The following GLDN variants were observed in gnomAD, a reference collection of about 807,000 sequenced individuals.
The protein encoded by GLDN is gliomedin.
Under a neutral mutation model 56.5 loss-of-function variants are expected in GLDN, and 47 were observed. That is an observed-to-expected ratio of 0.83 (90% CI 0.66 to 1.06). The LOEUF is 1.06. GLDN is among the 50% of genes least tolerant of loss of function. The pLI is 0.00. For missense variants in GLDN, 782 were observed against 714.3 expected (o/e 1.09, Z -1.08); for synonymous variants, 332 against 278.8 (o/e 1.19, Z -1.90).
downstream of GLDN, among the ~76,000 whole-genome samples, chr15:51,412,578 T>A (rs2141149175): frequency 6.6e-6 from 1 of 152,378 alleles, no homozygotes; most frequent in African/African-American, 2.4e-5. Context: ...ACTCCAGCTT[T>A]CTTTTGGTTC....
At chr15:51,412,346 G>A (rs1394022471), downstream of GLDN, among the ~76,000 whole-genome samples, 1 of 152,188 alleles carries the variant, frequency 6.6e-6, no homozygotes, top group Non-Finnish European at 1.5e-5. Flanking sequence ...AGTGATAAGG[G>A]TTAAAGACAT....
chr15:51,383,879 A>G lies in GLDN; in HGVS notation c.528A>G (p.Lys176=), dbSNP rs1250384681. 1 of 1,608,706 alleles carries G rather than the reference A, an allele frequency of 6.2e-7. No homozygotes were observed. The highest frequency in any genetic ancestry group is 8.5e-7 in the Non-Finnish European group (1 of 1,177,528). ...GPKGEKGANG[K]RGKMGIPGAA... ...AAGGAGAAAAAGGAGCAAATGGAAA[A>G]AGAGGAAAAATGGGTATTTTTGGCA... The change falls in exon 4 of 10, where the codon AAA becomes AAG. Residue 176 remains lysine (K), a synonymous_variant. Transcript: ENST00000335449.
chr15:51,343,565 A>G (rs745864626), intron 1 of GLDN, among the ~76,000 whole-genome samples: 40 of 152,364 alleles, frequency 2.6e-4, no homozygotes, highest in Admixed American at 4.6e-4. Context: ...TCTGTGTCAA[A>G]TTAACTCTAG....
chr15:51,408,279 A>G (rs2038425535), downstream of GLDN, among the ~76,000 whole-genome samples: 1 of 152,258 alleles, frequency 6.6e-6, no homozygotes, highest in African/African-American at 2.4e-5. Flanking sequence ...CAGCATGGGC[A>G]AGGCAATTGA....
intron 5 of GLDN, among the ~76,000 whole-genome samples, chr15:51,395,770 G>T (rs548507347): frequency 3.7e-4 from 57 of 152,266 alleles, no homozygotes; most frequent in African/African-American, 1.3e-3. Flanking sequence ...TTAAAAAAAG[G>T]TTTAATTGGC....
chr15:51,356,870 C>G (rs2037197241), intron 1 of GLDN, among the ~76,000 whole-genome samples: 2 of 152,144 alleles, frequency 1.3e-5, no homozygotes, highest in African/African-American at 4.8e-5. Flanking sequence ...TTCTGTGTTT[C>G]AGGGAATTTG....
At chr15:51,353,262 T>G (rs1595802775) in intron 1 of GLDN, among the ~76,000 whole-genome samples, 1 of 151,990 alleles carries the variant, frequency 6.6e-6, no homozygotes, top group African/African-American at 2.4e-5. Context: ...CCAAACTATC[T>G]TTCTAAAACC....
At position 51,406,788 on chromosome 15, in the gene GLDN, G is replaced by T. The variant is rs1249152812; in HGVS notation, c.*2034G>T. 1 of 152,164 alleles carries T rather than the reference G, an allele frequency of 6.6e-6. No homozygotes were observed. The highest frequency in any genetic ancestry group is 1.5e-5 in the Non-Finnish European group (1 of 68,032). The allele number at this position is 152,164 out of a possible 1,614,324, so 9.4% of individuals were successfully genotyped here. On this transcript the variant is annotated 3_prime_UTR_variant, in exon 10 of 10. Transcript: ENST00000335449. ...TTGAAACTTCACCTACTTTTCATTA[G>T]ATTGGTTGTACCATGTCACCTTAGC...
chr15:51,392,870 T>A (rs911739293), intron 4 of GLDN, among the ~76,000 whole-genome samples: 2 of 152,226 alleles, frequency 1.3e-5, no homozygotes, highest in African/African-American at 2.4e-5. Context: ...AATCATGACA[T>A]CTGCAAACGG....
At chr15:51,379,424 T>C (rs1236417799) in intron 2 of GLDN, among the ~76,000 whole-genome samples, 1 of 152,232 alleles carries the variant, frequency 6.6e-6, no homozygotes, top group South Asian at 2.1e-4. Flanking sequence ...GCACTACACA[T>C]TCTCCTTGCA....
chr15:51,397,669 C>A (rs1200672096), intron 6 of GLDN, 71 bp downstream of exon 6: 31 of 1,391,248 alleles, frequency 2.2e-5, no homozygotes, highest in Non-Finnish European at 2.8e-5. Flanking sequence ...GCTCCCCAGG[C>A]TCTGTGACCA....
chr15:51,345,187 C>T (rs2036956510), intron 1 of GLDN, among the ~76,000 whole-genome samples: 1 of 152,250 alleles, frequency 6.6e-6, no homozygotes, highest in African/African-American at 2.4e-5. Context: ...TCATTCCTCT[C>T]TTCCTGTCTC....
rs1210642589 is a variant in GLDN at position 51,407,075 on chromosome 15, T to C, written c.*2321T>C. The C allele has an allele frequency of 2.0e-5, 3 of 152,196 alleles. No individual in the cohort carries two copies. Among genetic ancestry groups the C allele is most frequent in the Non-Finnish European group, 4.4e-5 (3 of 68,036 alleles). 9.4% of individuals were successfully genotyped at this position (152,196 alleles called of 1,614,324 possible). ...AATGTTTCAGAAACCTCAGTCTTGATATCTGAGCTATCTGGGCTCCCTTAC... is the reference window on the plus strand; with the variant it reads ...AATGTTTCAGAAACCTCAGTCTTGACATCTGAGCTATCTGGGCTCCCTTAC... On this transcript the variant is annotated 3_prime_UTR_variant, in exon 10 of 10. Coordinates refer to ENST00000335449, the MANE Select transcript of GLDN (RefSeq NM_181789.4).
chr15:51,363,358 C>G (rs1312963124), intron 1 of GLDN, among the ~76,000 whole-genome samples: 2 of 152,154 alleles, frequency 1.3e-5, no homozygotes, highest in African/African-American at 4.8e-5. Context: ...CTTTTGTGCC[C>G]ACAGATTTTG....
At chr15:51,362,421 G>A (rs1162283409) in intron 1 of GLDN, among the ~76,000 whole-genome samples, 4 of 150,880 alleles carry the variant, frequency 2.7e-5, no homozygotes, top group African/African-American at 4.9e-5. Context: ...GGAGGCAGAC[G>A]TTGCAGTGAG....
rs1308869818 is a variant in GLDN, at chr15:51,404,452, C to A, written c.1354C>A (p.Leu452Met). The change falls in exon 10 of 10, where the codon CTG becomes ATG. Residue 452 changes from leucine to methionine, a missense_variant. Leu to Met is a conservative substitution (Grantham distance 15, BLOSUM62 2). Transcript: ENST00000335449. ...CGGCTCGAGCATTCTTGTAGCACAACTGGATGAGAGGACATTCTCAGTGGT... is the reference window on the plus strand; with the variant it reads ...CGGCTCGAGCATTCTTGTAGCACAAATGGATGAGAGGACATTCTCAGTGGT... ...VDGSSILVAQ[L>M]DERTFSVVQH... The A allele has an allele frequency of 6.2e-7, 1 of 1,614,150 alleles. No homozygotes were observed.
At chr15:51,371,613 C>T (rs1234866113) in intron 1 of GLDN, among the ~76,000 whole-genome samples, 4 of 152,142 alleles carry the variant, frequency 2.6e-5, no homozygotes, top group African/African-American at 9.7e-5. Context: ...CTATCTTTTC[C>T]CCTAACGCTA....
At chr15:51,387,198 C>T (rs897688844) in intron 4 of GLDN, among the ~76,000 whole-genome samples, 3 of 152,018 alleles carry the variant, frequency 2.0e-5, no homozygotes, top group Admixed American at 6.5e-5. Context: ...AGCAGCAAGA[C>T]GAGCACCAGG....
chr15:51,349,803 G>C (rs1831510567), intron 1 of GLDN, among the ~76,000 whole-genome samples: 1 of 151,334 alleles, frequency 6.6e-6, no homozygotes, highest in Non-Finnish European at 1.5e-5. Context: ...GCAGTGCTGT[G>C]ATTTTGGCTC....
Sources: gnomAD v4.1 joint callset for allele counts (sites outside exome capture counted in the v4.1 genomes callset) on GRCh38, gnomAD v4.1.1 for gene constraint, MANE v1.5 for transcripts, NCBI Gene and HGNC (gene_info 2026-07-23, HGNC 2026-07-21) for gene names.